The following NOTCH2 variants were observed in gnomAD, a reference collection of about 807,000 sequenced individuals.
NOTCH2 encodes neurogenic locus notch homolog protein 2.
NOTCH2 carries 29 observed loss-of-function variants against 235.8 expected under a neutral mutation model. That is an observed-to-expected ratio of 0.12 (90% confidence interval 0.09 to 0.17). NOTCH2 has a LOEUF of 0.17. Ranked by LOEUF, NOTCH2 falls within the 10% of genes least tolerant of loss-of-function variation. NOTCH2 has a pLI of 1.00. For missense variants in NOTCH2, 2,285 were observed against 3,150.2 expected, an observed-to-expected ratio of 0.73 and a Z score of 6.57; for synonymous variants, 1,086 against 1,141.5, an observed-to-expected ratio of 0.95 and a Z score of 0.98.
At position 119,948,484 on chromosome 1, in the gene NOTCH2, G is replaced by C. The variant is rs781957025; in HGVS notation, c.2682C>G (p.Ser894Arg). The change falls in exon 17 of 34, where the codon AGC (serine) becomes AGG (arginine). Residue 894 changes from serine to arginine, a missense_variant. Transcript: ENST00000256646. ...NHGLCHNTQG[S>R]YMCECPPGFS... ...AGCCTGGTGGACATTCACACATGTA[G>C]CTGCCCTGGGTGTTATGGCAGAGAC... The C allele has an allele frequency of 6.2e-7, 1 of 1,614,184 alleles. No individual in the cohort carries two copies. Among genetic ancestry groups the C allele is most frequent in the South Asian group, 1.1e-5 (1 of 91,086 alleles).
At chr1:120,055,637 C>T (rs1181995294) in intron 1 of NOTCH2, among the ~76,000 whole-genome samples, 1 of 140,180 alleles carries the variant, frequency 7.1e-6, no homozygotes, top group Non-Finnish European at 1.6e-5. Context: ...ATAGAGGGAG[C>T]AGAAGGGAGT....
chr1:119,970,325 A>G (rs587735783), intron 5 of NOTCH2, among the ~76,000 whole-genome samples: 1 of 152,336 alleles, frequency 6.6e-6, no homozygotes, highest in South Asian at 2.1e-4. Context: ...CTAATTTTTG[A>G]AAATGTTAGG....
chr1:119,928,940 A>G, intron 23 of NOTCH2, 36 bp downstream of exon 23: 1 of 1,570,262 alleles, frequency 6.4e-7, no homozygotes. Context: ...ACCATCCTCC[A>G]AGGCAGAGTG....
At chr1:120,027,887 T>C (rs113167148) in intron 2 of NOTCH2, among the ~76,000 whole-genome samples, 7,095 of 144,834 alleles carry the variant, frequency 0.049, 282 homozygotes, top group South Asian at 0.11. Context: ...CGTTGGGCAT[T>C]TGGGTTGGTT....
chr1:119,919,077 T>C lies in NOTCH2; in HGVS notation c.5781+235A>G, dbSNP rs1649182897. ...TGGCACAACAAATTATCACTAATAA[T>C]CAGAAAGACTGGTGTTGTCTGCAGT... On this transcript the variant is annotated intron_variant, in intron 31 of 33. Coordinates refer to ENST00000256646, the MANE Select transcript of NOTCH2 (RefSeq NM_024408.4). Among the ~76,000 whole-genome samples, 4 of 152,310 alleles carry C rather than the reference T, an allele frequency of 2.6e-5. No individual in the cohort carries two copies. The South Asian group carries it at 8.3e-4, about 32-fold the overall frequency.
At position 119,922,355 on chromosome 1, in the gene NOTCH2, G is replaced by A. The variant is rs2101154513; in HGVS notation, c.5094C>T (p.Ile1698=). ...IILFIILLGV[I]MAKRKRKHGS... The stretch of plus-strand genomic sequence containing the variant: ...CATGCTTACGCTTTCGTTTTGCCAT[G>A]ATTACCCCCAGCAGAATAATAAACA... The change falls in exon 28 of 34, where the codon ATC becomes ATT. Residue 1698 remains isoleucine (I), a synonymous_variant. Coordinates refer to ENST00000256646, the MANE Select transcript of NOTCH2 (RefSeq NM_024408.4). The A allele has an allele frequency of 6.2e-7, 1 of 1,614,110 alleles. No homozygotes were observed. Among genetic ancestry groups the A allele is most frequent in the Non-Finnish European group, 8.5e-7 (1 of 1,180,028 alleles).
At position 119,948,540 on chromosome 1, in the gene NOTCH2, C is replaced by T. The variant is rs2101114654; in HGVS notation, c.2626G>A (p.Glu876Lys). ...TTCATGCAGGGCTTGGAGATACACT[C>T]GTCAATGTCAATGGTACACCGCTGA... ...QGQRCTIDID[E>K]CISKPCMNHG... Residue 876 changes from glutamate (E) to lysine (K), a missense_variant, in exon 17 of 34, where the codon GAG becomes AAG. Glu to Lys is a moderately conservative substitution (Grantham distance 56). Coordinates refer to ENST00000256646, the MANE Select transcript of NOTCH2 (RefSeq NM_024408.4). 2.5e-6 allele frequency: 4 copies of T among 1,614,164 alleles called. No homozygotes were observed. The highest frequency in any genetic ancestry group is 3.4e-6 in the Non-Finnish European group (4 of 1,180,032).
intron 1 of NOTCH2, among the ~76,000 whole-genome samples, chr1:120,037,697 A>G (rs1473024138): frequency 2.0e-5 from 3 of 151,964 alleles, no homozygotes; most frequent in South Asian, 2.1e-4. Flanking sequence ...AAAAAAAGCA[A>G]TAAGAGATAA....
rs192122939 is a variant in NOTCH2, at chr1:119,916,570, C to A, written c.6152G>T (p.Arg2051Leu). ...CACAATGTCATGGTGCATGCGATCC[C>A]GAGCCACATCCCGGGGAAGACGATC... is the stretch of plus-strand genomic sequence containing the variant. ...HMDRLPRDVARDRMHHDIVRL... is the reference protein window; with the variant it reads ...HMDRLPRDVALDRMHHDIVRL... The change falls in exon 34 of 34, where the codon CGG (arginine) becomes CTG (leucine). Residue 2051 changes from arginine (R) to leucine (L), a missense_variant. Transcript: ENST00000256646. 1.9e-6 allele frequency: 3 copies of A among 1,613,494 alleles called. No homozygotes were observed. Among genetic ancestry groups the A allele is most frequent in the East Asian group, 2.2e-5 (1 of 44,796 alleles).
Position 119,938,028 on chromosome 1 carries a change from G to A in NOTCH2, c.3184-18C>T, listed in dbSNP as rs2101100179. 6.2e-7 allele frequency: 1 copy of A among 1,613,510 alleles called. No homozygotes were observed. Among genetic ancestry groups the A allele is most frequent in the Non-Finnish European group, 8.5e-7 (1 of 1,179,428 alleles). Reference sequence around the variant, plus strand: ...ACCAGGGTCTGAAACAGAGGCAGGGGTGTACATACATCAAAATTCAAATAC... The same window carrying A: ...ACCAGGGTCTGAAACAGAGGCAGGGATGTACATACATCAAAATTCAAATAC... On this transcript the variant is annotated intron_variant, in intron 19 of 33. Coordinates refer to ENST00000256646, the MANE Select transcript of NOTCH2 (RefSeq NM_024408.4).
chr1:119,934,914 G>A (rs1649793484), intron 22 of NOTCH2, among the ~76,000 whole-genome samples: 1 of 152,156 alleles, frequency 6.6e-6, no homozygotes, highest in South Asian at 2.1e-4. Context: ...CAGTGGCAAT[G>A]CCCACAGAAG....
In NOTCH2 at chr1:119,929,163, G is replaced by A. The variant is rs2101169469; in HGVS notation, c.3705C>T (p.Cys1235=). The A allele has an allele frequency of 1.2e-6, 2 of 1,614,212 alleles. No homozygotes were observed. The highest frequency in any genetic ancestry group is 8.5e-7 in the Non-Finnish European group (1 of 1,180,026). ...TATCCATGCACTGACCACCATTAAG[G>A]CAATGGGGACCCCGGGCACAGTCAT... ...NIDDCARGPH[C]LNGGQCMDRI... is the part of the protein sequence containing the mutation. Residue 1235 remains cysteine (C), a synonymous_variant, in exon 23 of 34, where the codon TGC becomes TGT. Transcript: ENST00000256646.
chr1:119,997,950 G>A (rs1455627703), intron 3 of NOTCH2, among the ~76,000 whole-genome samples: 1 of 146,698 alleles, frequency 6.8e-6, no homozygotes, highest in African/African-American at 2.6e-5. Flanking sequence ...CTCCAGCCTG[G>A]GCGACACAGC....
At chr1:119,936,633 G>A (rs1370151398) in intron 21 of NOTCH2, among the ~76,000 whole-genome samples, 1 of 152,150 alleles carries the variant, frequency 6.6e-6, no homozygotes, top group Admixed American at 6.5e-5. Flanking sequence ...GCTATCGTTG[G>A]CTCATTTATA....
At chr1:119,944,223 C>T (rs1384620537) in intron 17 of NOTCH2, among the ~76,000 whole-genome samples, 1 of 151,838 alleles carries the variant, frequency 6.6e-6, no homozygotes, top group Non-Finnish European at 1.5e-5. Flanking sequence ...CAGTAAACTC[C>T]AAACAGAAGA....
rs1187287835 is a variant in NOTCH2 at position 119,922,774 on chromosome 1, T to G, written c.4864A>C (p.Lys1622Gln). The G allele has an allele frequency of 1.2e-6, 2 of 1,614,088 alleles. No homozygotes were observed. The highest frequency in any genetic ancestry group is 1.7e-6 in the Non-Finnish European group (2 of 1,180,022). The change falls in exon 27 of 34, where the codon AAA (lysine) becomes CAA (glutamine). Residue 1622 changes from lysine (K) to glutamine (Q), a missense_variant. This residue lies in a region of NOTCH2 where 1,173 missense variants were observed against 1,515.3 expected (regional missense o/e 0.77). Transcript: ENST00000256646. Reference sequence around the variant, plus strand: ...CGGTTGTCAATTTCCAGAAAGACTTTAGAGCTGTGGGATGCCAAGGGAGAA... The same window carrying G: ...CGGTTGTCAATTTCCAGAAAGACTTGAGAGCTGTGGGATGCCAAGGGAGAA... Reference protein sequence around the residue: ...GEQEQEVAGSKVFLEIDNRQC... With the variant: ...GEQEQEVAGSQVFLEIDNRQC...
intron 5 of NOTCH2, among the ~76,000 whole-genome samples, chr1:119,970,751 G>A (rs1651329730): frequency 6.6e-6 from 1 of 152,200 alleles, no homozygotes. Context: ...AAATAAAGTG[G>A]TGATTGGTTT....
At chr1:119,922,149 A>T (rs1420860721) in intron 28 of NOTCH2, 87 bp downstream of exon 28, 36 of 1,434,368 alleles carry the variant, frequency 2.5e-5, no homozygotes, top group Non-Finnish European at 3.3e-5. Context: ...CAGAGCTTAG[A>T]ATTTAAAATC....
intron 17 of NOTCH2, among the ~76,000 whole-genome samples, chr1:119,942,530 A>T (rs1458681022): frequency 6.6e-6 from 1 of 152,252 alleles, no homozygotes; most frequent in Non-Finnish European, 1.5e-5. Flanking sequence ...CATCTCTTGA[A>T]CTAATTCCCT....
Sources: gnomAD v4.1 joint callset for allele counts (sites outside exome capture counted in the v4.1 genomes callset) on GRCh38, gnomAD v4.1.1 for gene constraint, gnomAD v4.1.1 regional missense constraint, MANE v1.5 for transcripts, NCBI Gene and HGNC (gene_info 2026-07-23, HGNC 2026-07-21) for gene names.